The following RASSF3 variants were observed in gnomAD, a reference collection of about 807,000 sequenced individuals.
RASSF3 encodes Ras association domain family member 3.
In RASSF3, 19 loss-of-function variants were observed where a neutral mutation model predicts 19.9. The ratio of observed to expected loss-of-function variants is 0.96; its 90% CI spans 0.67 to 1.40. The LOEUF is 1.40. RASSF3 is among the 40% of genes most tolerant of loss of function. The probability of loss-of-function intolerance (pLI) is 0.00; values close to 1 mark genes in which losing one functional copy is unlikely to be tolerated. For missense variants in RASSF3, 306 were observed against 289.8 expected (o/e 1.06, Z -0.41); for synonymous variants, 110 against 104.2 (o/e 1.06, Z -0.34).
chr12:64,638,386 C>G (rs1871395807), intron 1 of RASSF3, among the ~76,000 whole-genome samples: 1 of 151,994 alleles, frequency 6.6e-6, no homozygotes, highest in Non-Finnish European at 1.5e-5. Context: ...CGAGACCATC[C>G]TGGCTAATAC....
chr12:64,575,192 C>T (rs1424593292), intron 2 of RASSF3, among the ~76,000 whole-genome samples: 1 of 152,222 alleles, frequency 6.6e-6, no homozygotes, highest in East Asian at 1.9e-4. Context: ...GAATTCAAAT[C>T]AACACACATA....
intron 1 of RASSF3, among the ~76,000 whole-genome samples, chr12:64,619,329 C>T (rs1474866037): frequency 6.8e-6 from 1 of 146,604 alleles, no homozygotes; most frequent in African/African-American, 2.5e-5. Flanking sequence ...GGGAACTTCC[C>T]TTTTTTTTTT....
At chr12:64,661,677 CTTTTTTTTTTTTTTT>C (rs71092993) in intron 1 of RASSF3, among the ~76,000 whole-genome samples, 2 of 79,002 alleles carry the variant, frequency 2.5e-5, no homozygotes, top group Admixed American at 1.5e-4. Flanking sequence ...TTTTCTTTTT[CTTTTTTTTTTTTTTT>C]TTTTTTTTGA....
At chr12:64,515,074 T>C (rs193177539) in intron 1 of RASSF3, among the ~76,000 whole-genome samples, 9 of 152,198 alleles carry the variant, frequency 5.9e-5, no homozygotes, top group African/African-American at 1.9e-4. Flanking sequence ...TTTTTTTCTT[T>C]GAGACAAAGT....
At chr12:64,689,852 A>G (rs1007191526) in intron 3 of RASSF3, among the ~76,000 whole-genome samples, 3 of 128,500 alleles carry the variant, frequency 2.3e-5, no homozygotes, top group Admixed American at 9.4e-5. Context: ...CAGTGGCGCA[A>G]TCTTGGCTCA....
At chr12:64,671,027 A>G (rs561264829) in intron 1 of RASSF3, among the ~76,000 whole-genome samples, 39 of 152,244 alleles carry the variant, frequency 2.6e-4, no homozygotes, top group Middle Eastern at 3.4e-3. Context: ...TTCAGAGGCA[A>G]GTTGTGAAGG....
chr12:64,588,422 C>T (rs1533710), intron 2 of RASSF3, among the ~76,000 whole-genome samples: 74,340 of 151,766 alleles, frequency 0.49, 18,901 homozygotes, highest in Non-Finnish European at 0.56. Context: ...TGGTGGCTCA[C>T]GCCTGTAATC....
chr12:64,512,606 G>T (rs186390098), intron 1 of RASSF3, among the ~76,000 whole-genome samples: 14 of 152,216 alleles, frequency 9.2e-5, no homozygotes, highest in Admixed American at 3.3e-4. Flanking sequence ...TCTTACTAAT[G>T]GTTTAACGAT....
intron 1 of RASSF3, among the ~76,000 whole-genome samples, chr12:64,519,673 T>C (rs1868428216): frequency 6.6e-6 from 1 of 152,068 alleles, no homozygotes; most frequent in Non-Finnish European, 1.5e-5. Context: ...AACCTGAAGT[T>C]GGGACAGGGA....
At chr12:64,554,525 G>A (rs895253449) in intron 2 of RASSF3, among the ~76,000 whole-genome samples, 8 of 152,058 alleles carry the variant, frequency 5.3e-5, no homozygotes, top group Middle Eastern at 3.2e-3. Context: ...GGCTGGTCTC[G>A]AACTCCTGAA....
chr12:64,675,067 C>T (rs1171614895), intron 1 of RASSF3, among the ~76,000 whole-genome samples: 5 of 143,342 alleles, frequency 3.5e-5, no homozygotes, highest in Admixed American at 2.8e-4. Context: ...CCCGCCACCC[C>T]GGCTTCTTGC....
intron 2 of RASSF3, among the ~76,000 whole-genome samples, chr12:64,591,179 T>C (rs1869914870): frequency 6.6e-6 from 1 of 152,108 alleles, no homozygotes; most frequent in South Asian, 2.1e-4. Flanking sequence ...AAACCTCTTA[T>C]TATAGAAGTC....
Position 64,572,288 on chromosome 12 carries a change from T to C in RASSF3, c.294+30583T>C, listed in dbSNP as rs117467069. Among the ~76,000 whole-genome samples, 1,395 of 151,956 alleles carry C rather than the reference T, an allele frequency of 9.2e-3. 12 individuals carry two copies. The highest frequency in any genetic ancestry group is 0.024 in the South Asian group (114 of 4,820). On this transcript the variant is annotated intron_variant, in intron 2 of 5. Coordinates refer to the RASSF3 transcript ENST00000637125. ...GAGCCCATGAGGCTGGGGACCTTCATGATAGGATTAGTGCCCTTGTAAGAT... is the reference window on the plus strand; with the variant it reads ...GAGCCCATGAGGCTGGGGACCTTCACGATAGGATTAGTGCCCTTGTAAGAT...
chr12:64,629,249 G>A lies in RASSF3; in HGVS notation c.111+18506G>A, dbSNP rs1178395904. ...CCCGAGTAGCTAGGACTACAGGTAC[G>A]TGCCACCACACCCAGCTAATTTTTC... On this transcript the variant is annotated intron_variant, in intron 1 of 4. Transcript: ENST00000542104. Among the ~76,000 whole-genome samples, 3 of 151,314 alleles carry A rather than the reference G, an allele frequency of 2.0e-5. No homozygotes were observed. The East Asian group carries it at 5.8e-4, about 29-fold the overall frequency.
At chr12:64,684,998 A>AGT in intron 2 of RASSF3, 104 bp downstream of exon 2, 1 of 702,714 alleles carries the variant, frequency 1.4e-6, no homozygotes, top group Non-Finnish European at 2.5e-6. Flanking sequence ...CATTTGTAGA[A>AGT]GTGTAGTAGT....
chr12:64,693,328 G>A (rs922173054), intron 4 of RASSF3, among the ~76,000 whole-genome samples: 2 of 151,970 alleles, frequency 1.3e-5, no homozygotes, highest in Non-Finnish European at 2.9e-5. Flanking sequence ...CTTTGGGAGA[G>A]GAGGATGTGT....
intron 2 of RASSF3, among the ~76,000 whole-genome samples, chr12:64,594,796 G>T (rs763880800): frequency 1.3e-5 from 2 of 151,968 alleles, no homozygotes; most frequent in Non-Finnish European, 2.9e-5. Context: ...TACGGTGGTG[G>T]GTTTTGCTAT....
intron 1 of RASSF3, among the ~76,000 whole-genome samples, chr12:64,512,099 G>GTCTCCA (rs1868332130): frequency 6.6e-6 from 1 of 152,160 alleles, no homozygotes; most frequent in Non-Finnish European, 1.5e-5. Context: ...AGCATTGTAT[G>GTCTCCA]GCTTTCTCAA....
At chr12:64,642,601 CTTTGTAATTAATACAAAGT>C (rs1871581084) in intron 1 of RASSF3, among the ~76,000 whole-genome samples, 1 of 123,926 alleles carries the variant, frequency 8.1e-6, no homozygotes, top group African/African-American at 2.9e-5. Context: ...TTCATCAAAA[CTTTGTAATTAATACAAAGT>C]TTTGTAATTA....
Sources: gnomAD v4.1 joint callset for allele counts (sites outside exome capture counted in the v4.1 genomes callset) on GRCh38, gnomAD v4.1.1 for gene constraint, MANE v1.5 for transcripts, NCBI Gene and HGNC (gene_info 2026-07-23, HGNC 2026-07-21) for gene names.